Variants in KIF1B observed in about 807,000 individuals in gnomAD.
KIF1B encodes kinesin-like protein KIF1B.
In KIF1B, 76 loss-of-function variants were observed where a neutral mutation model predicts 241.9. The ratio of observed to expected loss-of-function variants is 0.31; its 90% CI spans 0.26 to 0.38. The LOEUF (loss-of-function observed/expected upper bound fraction) is 0.38. Ranked by LOEUF, KIF1B falls within the 10% of genes least tolerant of loss-of-function variation. The pLI is 1.00. For synonymous variants in KIF1B, 750 were observed against 796.7 expected (o/e 0.94, Z 0.99); for missense variants, 1,622 against 2,271.4 (o/e 0.71, Z 5.81).
chr1:10,266,356 T>TA (rs1648463687), intron 5 of KIF1B, among the ~76,000 whole-genome samples: 1 of 152,206 alleles, frequency 6.6e-6, no homozygotes, highest in African/African-American at 2.4e-5. Flanking sequence ...AGGAGTTGCT[T>TA]AGATACATGT....
intron 2 of KIF1B, among the ~76,000 whole-genome samples, chr1:10,245,834 GTGAC>G (rs911738558): frequency 2.7e-4 from 41 of 152,128 alleles, no homozygotes; most frequent in African/African-American, 9.4e-4. Flanking sequence ...GGAATATAAC[GTGAC>G]TGACTACTTC....
At chr1:10,363,825 A>G (rs1002410315) in intron 41 of KIF1B, among the ~76,000 whole-genome samples, 16 of 152,232 alleles carry the variant, frequency 1.1e-4, no homozygotes, top group Admixed American at 1.3e-4. Context: ...TATGTTTGTA[A>G]ACCGAAACAT....
chr1:10,289,414 C>T (rs1230353077), intron 15 of KIF1B, among the ~76,000 whole-genome samples: 1 of 152,216 alleles, frequency 6.6e-6, no homozygotes, highest in African/African-American at 2.4e-5. Flanking sequence ...ATGGCAGCTT[C>T]TGCTCTTCTT....
intron 1 of KIF1B, among the ~76,000 whole-genome samples, chr1:10,219,546 C>T (rs562821700): frequency 4.6e-5 from 7 of 151,358 alleles, no homozygotes; most frequent in Admixed American, 3.3e-4. Flanking sequence ...CACCTGAGGT[C>T]GGGAGTTTGA....
Position 10,364,265 on chromosome 1 carries a change from C to T in KIF1B, c.4367-835C>T, listed in dbSNP as rs563233962. ...TGTCACCCAGGCTGGAGTGTGGTGGCGCCATCTTGGCTCACTGCAACCTCT... is the reference window on the plus strand; with the variant it reads ...TGTCACCCAGGCTGGAGTGTGGTGGTGCCATCTTGGCTCACTGCAACCTCT... On this transcript the variant is annotated intron_variant, in intron 41 of 48. Transcript: ENST00000676179. Among the ~76,000 whole-genome samples, 223 of 139,380 alleles carry T rather than the reference C, an allele frequency of 1.6e-3. 2 individuals carry two copies. Among genetic ancestry groups the T allele is most frequent in the African/African-American group, 5.8e-3 (210 of 36,440 alleles). 91.4% of individuals were successfully genotyped at this position (139,380 alleles called of 152,430 possible). A position where few individuals can be genotyped will look rare whatever the true frequency, so the allele number is the denominator to read the frequency against.
At chr1:10,241,074 C>T (rs1310328764) in intron 2 of KIF1B, among the ~76,000 whole-genome samples, 1 of 152,080 alleles carries the variant, frequency 6.6e-6, no homozygotes, top group Non-Finnish European at 1.5e-5. Context: ...TACTATATAG[C>T]ATACTATTTT....
At chr1:10,289,889 G>GACAA (rs901934325) in intron 15 of KIF1B, among the ~76,000 whole-genome samples, 5 of 151,956 alleles carry the variant, frequency 3.3e-5, no homozygotes, top group Middle Eastern at 3.4e-3. Context: ...GTCTCAAACA[G>GACAA]ACAAACAAAC....
At chr1:10,291,041 T>C in intron 15 of KIF1B, 41 bp from the exon 16 acceptor site, 2 of 1,490,812 alleles carry the variant, frequency 1.3e-6, no homozygotes, top group Non-Finnish European at 1.9e-6. Context: ...TGTTAAATTA[T>C]AAGACTCTTT....
chr1:10,218,425 CT>C (rs879830838), intron 1 of KIF1B, among the ~76,000 whole-genome samples: 162 of 145,876 alleles, frequency 1.1e-3, no homozygotes, highest in Non-Finnish European at 1.3e-3. Context: ...CTTTGTGCAA[CT>C]TTTTTTTTTT....
At chr1:10,363,682 G>T (rs551793895) in intron 41 of KIF1B, among the ~76,000 whole-genome samples, 2 of 152,062 alleles carry the variant, frequency 1.3e-5, no homozygotes, top group Non-Finnish European at 2.9e-5. Context: ...GACAGAGTGA[G>T]ACTCAGTCTC....
intron 38 of KIF1B, among the ~76,000 whole-genome samples, chr1:10,356,688 T>G (rs976266361): frequency 6.1e-4 from 92 of 151,514 alleles, no homozygotes; most frequent in African/African-American, 2.2e-3. Flanking sequence ...GATCATGAGG[T>G]CAAGAGATCG....
chr1:10,213,255 T>C (rs1646721316), intron 1 of KIF1B, among the ~76,000 whole-genome samples: 1 of 152,158 alleles, frequency 6.6e-6, no homozygotes. Flanking sequence ...ATACAGAGGC[T>C]AGGTTTTATG....
At position 10,377,971 on chromosome 1, in the gene KIF1B, C is replaced by T. The variant is rs535097005; in HGVS notation, c.*1384C>T. The T allele has an allele frequency of 3.0e-5, 8 of 262,886 alleles. No homozygotes were observed. The highest frequency in any genetic ancestry group is 1.9e-4 in the South Asian group (2 of 10,690). 16.3% of individuals were successfully genotyped at this position (262,886 alleles called of 1,614,324 possible). Reference sequence around the variant, plus strand: ...AAAAATAATAATGCTGGGTAGTGACCTTGTGATTGTTACAGCTCCCTTTGA... The same window carrying T: ...AAAAATAATAATGCTGGGTAGTGACTTTGTGATTGTTACAGCTCCCTTTGA... On this transcript the variant is annotated 3_prime_UTR_variant, in exon 49 of 49. Transcript: ENST00000676179.
At chr1:10,321,508 T>C (rs1651523298) in intron 23 of KIF1B, among the ~76,000 whole-genome samples, 1 of 152,200 alleles carries the variant, frequency 6.6e-6, no homozygotes, top group Admixed American at 6.5e-5. Context: ...AAGTAGGATT[T>C]TTAAAGATTT....
At chr1:10,226,817 AGCTAGCCAG>A (rs1646914146) in intron 1 of KIF1B, among the ~76,000 whole-genome samples, 1 of 151,966 alleles carries the variant, frequency 6.6e-6, no homozygotes, top group African/African-American at 2.4e-5. Context: ...AAATACAAAA[AGCTAGCCAG>A]GCGTGGTGGC....
chr1:10,251,145 A>G (rs996611184), intron 2 of KIF1B, among the ~76,000 whole-genome samples: 5 of 152,154 alleles, frequency 3.3e-5, no homozygotes, highest in Admixed American at 2.6e-4. Context: ...CAGCCTGGGC[A>G]GCTGAGCTAG....
chr1:10,374,961 G>A lies in KIF1B; in HGVS notation c.5204G>A (p.Ser1735Asn). ...CGGCCTTATGTCTTCATCTATAACA[G>A]TGACAAAGACCCTGTGGAGCGTGGA... is the stretch of plus-strand genomic sequence containing the variant. ...VRRPYVFIYN[S>N]DKDPVERGII... The change falls in exon 47 of 49, where the codon AGT becomes AAT. Residue 1735 changes from serine to asparagine, a missense_variant. Transcript: ENST00000676179. This position sits in a 1 kb window ranked among gnomAD's most constrained non-coding sequence, Gnocchi z 4.3. 3 of 1,614,074 alleles carry A rather than the reference G, an allele frequency of 1.9e-6. No homozygotes were observed. Among genetic ancestry groups the A allele is most frequent in the Non-Finnish European group, 2.5e-6 (3 of 1,179,988 alleles).
At position 10,232,429 on chromosome 1, in the gene KIF1B, C is replaced by T. The variant is rs1269940164; in HGVS notation, c.101C>T (p.Ser34Leu). 5 of 1,606,548 alleles carry T rather than the reference C, an allele frequency of 3.1e-6. No individual in the cohort carries two copies. The South Asian group carries it at 3.3e-5, about 11-fold the overall frequency. ...TGCATCATTCAGATGCAAGGCAACT[C>T]GACCAGTGAGTACATGTTGTTTTCT... ...SKCIIQMQGN[S>L]TSIINPKNPK... The change falls in exon 2 of 49, where the codon TCG becomes TTG. Residue 34 changes from serine to leucine, a missense_variant. Ser to Leu is a moderately radical substitution (Grantham distance 145, BLOSUM62 -2). Transcript: ENST00000676179.
intron 23 of KIF1B, among the ~76,000 whole-genome samples, chr1:10,321,249 G>A (rs1233820787): frequency 2.0e-5 from 3 of 151,824 alleles, no homozygotes; most frequent in Non-Finnish European, 4.4e-5. Context: ...GACTACAGGT[G>A]TGTGCCACCA....
Sources: allele counts gnomAD v4.1 joint callset (sites outside exome capture counted in the v4.1 genomes callset), GRCh38; gene constraint gnomAD v4.1.1; non-coding constraint Gnocchi (gnomAD v3.1); transcripts MANE v1.5; gene names NCBI Gene and HGNC (gene_info 2026-07-23, HGNC 2026-07-21).